The following PTPRD variants were observed in gnomAD, a reference collection of about 807,000 sequenced individuals.
The protein encoded by PTPRD is receptor-type tyrosine-protein phosphatase delta.
Under a neutral mutation model 214.5 loss-of-function variants are expected in PTPRD, and 34 were observed. The observed-to-expected ratio is 0.16, with a 90% confidence interval of 0.12 to 0.21. The LOEUF is 0.21. Among genes scored for constraint, PTPRD ranks in the 10% least tolerant of loss-of-function variants. PTPRD has a pLI of 1.00. For missense variants in PTPRD, 2,545 were observed against 2,398.7 expected, an observed-to-expected ratio of 1.06 and a Z score of -1.27; for synonymous variants, 1,128 against 845.7, an observed-to-expected ratio of 1.33 and a Z score of -5.79.
chr9:10,222,006 T>C (rs2099572905), intron 3 of PTPRD, among the ~76,000 whole-genome samples: 1 of 151,222 alleles, frequency 6.6e-6, no homozygotes, highest in African/African-American at 2.4e-5. Context: ...ATATCAGAAA[T>C]AGAAAACTGT....
intron 5 of PTPRD, among the ~76,000 whole-genome samples, chr9:9,870,765 T>C (rs1205633864): frequency 6.6e-6 from 1 of 151,968 alleles, no homozygotes; most frequent in East Asian, 1.9e-4. Flanking sequence ...GCCAAAAAAA[T>C]TTATACACAC....
At chr9:8,571,808 G>A (rs142550392) in intron 14 of PTPRD, among the ~76,000 whole-genome samples, 1 of 152,192 alleles carries the variant, frequency 6.6e-6, no homozygotes, top group African/African-American at 2.4e-5. Context: ...TCCTGGAGCT[G>A]CGGAAATTGC....
rs769652986 is a variant in PTPRD at position 8,517,866 on chromosome 9, C to A, written c.1525G>T (p.Val509Phe). ...GDGPLSSDIQ[V>F]ITQTGVPGQP... The stretch of plus-strand genomic sequence containing the variant: ...AACTTACCTCCTGTCTGAGTGATGA[C>A]TTGTATGTCACTTGAAAGGGGACCA... The change falls in exon 21 of 46, where the codon GTC becomes TTC. Residue 509 changes from valine (V) to phenylalanine (F), a missense_variant. Physicochemically the swap from Val to Phe is conservative, Grantham distance 50. Transcript: ENST00000381196. 1 of 1,613,546 alleles carries A rather than the reference C, an allele frequency of 6.2e-7. No homozygotes were observed. Among genetic ancestry groups the A allele is most frequent in the Non-Finnish European group, 8.5e-7 (1 of 1,179,688 alleles).
intron 11 of PTPRD, among the ~76,000 whole-genome samples, chr9:8,913,886 G>A (rs1389926567): frequency 6.6e-6 from 1 of 152,114 alleles, no homozygotes. Context: ...AGTATTACCT[G>A]TTCATTTATT....
chr9:8,527,443 T>A (rs1392756134), intron 15 of PTPRD, 90 bp from the exon 16 acceptor site: 1 of 1,139,952 alleles, frequency 8.8e-7, no homozygotes, highest in Admixed American at 1.9e-5. Flanking sequence ...GAGTTAAAGC[T>A]TTATATACTA....
chr9:9,022,552 C>T (rs2099573444), intron 10 of PTPRD, among the ~76,000 whole-genome samples: 1 of 152,096 alleles, frequency 6.6e-6, no homozygotes, highest in African/African-American at 2.4e-5. Flanking sequence ...TACCACATAC[C>T]ATAAGTTTGT....
At chr9:10,322,091 G>A (rs1377280579) in intron 3 of PTPRD, among the ~76,000 whole-genome samples, 2 of 151,964 alleles carry the variant, frequency 1.3e-5, no homozygotes, top group Middle Eastern at 3.4e-3. Context: ...TCCGCATGAG[G>A]GTTATTACAT....
At chr9:9,806,294 C>T (rs1015402665) in intron 5 of PTPRD, among the ~76,000 whole-genome samples, 1 of 151,994 alleles carries the variant, frequency 6.6e-6, no homozygotes, top group Admixed American at 6.6e-5. Flanking sequence ...GGCAGTCTCC[C>T]GATACATAGA....
intron 7 of PTPRD, among the ~76,000 whole-genome samples, chr9:9,727,492 A>G (rs948453613): frequency 6.6e-6 from 1 of 152,170 alleles, no homozygotes; most frequent in Non-Finnish European, 1.5e-5. Context: ...AAGCATTCAT[A>G]AATATTTTAT....
chr9:9,228,203 A>T (rs150070503), intron 9 of PTPRD, among the ~76,000 whole-genome samples: 100 of 152,236 alleles, frequency 6.6e-4, no homozygotes, highest in Non-Finnish European at 9.1e-4. Context: ...CTGTGCTTCA[A>T]TGAAGACATT....
intron 3 of PTPRD, among the ~76,000 whole-genome samples, chr9:10,277,264 C>G (rs2094765425): frequency 1.6e-5 from 2 of 123,724 alleles, no homozygotes; most frequent in Admixed American, 7.5e-5. Context: ...AAACAACAAA[C>G]CCTGAGTTGA....
chr9:9,630,614 GAGCT>G (rs2095560653), intron 7 of PTPRD, among the ~76,000 whole-genome samples: 1 of 152,166 alleles, frequency 6.6e-6, no homozygotes. Flanking sequence ...CCATTTAAAA[GAGCT>G]GATGAAAAAG....
At chr9:8,869,565 G>T (rs181867233) in intron 11 of PTPRD, among the ~76,000 whole-genome samples, 2 of 152,042 alleles carry the variant, frequency 1.3e-5, no homozygotes, top group East Asian at 1.9e-4. Context: ...TTGTTGGCAA[G>T]CTTCTCAGGT....
chr9:9,514,901 C>G (rs1239738907), intron 8 of PTPRD, among the ~76,000 whole-genome samples: 1 of 152,088 alleles, frequency 6.6e-6, no homozygotes, highest in African/African-American at 2.4e-5. Flanking sequence ...TGCTCTGTGT[C>G]ATACCTAAAC....
intron 3 of PTPRD, among the ~76,000 whole-genome samples, chr9:10,148,034 G>C (rs545099022): frequency 2.4e-4 from 36 of 152,276 alleles, no homozygotes; most frequent in Middle Eastern, 6.8e-3. Flanking sequence ...AAAGTCAAGA[G>C]AAATACGACT....
intron 2 of PTPRD, among the ~76,000 whole-genome samples, chr9:10,481,653 A>G (rs572291378): frequency 1.3e-3 from 191 of 152,328 alleles, no homozygotes; most frequent in African/African-American, 4.5e-3. Flanking sequence ...ACAGCCATGA[A>G]CTTATTGTAA....
rs117795823 is a variant in PTPRD at position 8,316,184 on chromosome 9, C to T, written c.*1690G>A. Reference sequence around the variant, plus strand: ...GGGCTGGTACAATCACTAACATCCCCGACTTGGCTGAAAACTAGGAATGCA... The same window carrying T: ...GGGCTGGTACAATCACTAACATCCCTGACTTGGCTGAAAACTAGGAATGCA... On this transcript the variant is annotated 3_prime_UTR_variant, in exon 46 of 46. Coordinates refer to ENST00000381196, the MANE Select transcript of PTPRD (RefSeq NM_002839.4). The T allele has an allele frequency of 3.5e-5, 8 of 229,172 alleles. No individual in the cohort carries two copies. Among genetic ancestry groups the T allele is most frequent in the African/African-American group, 1.1e-4 (5 of 45,144 alleles). The allele number at this position is 229,172 out of a possible 1,614,324, so 14.2% of individuals were successfully genotyped here.
chr9:9,390,119 G>C (rs1364517658), intron 9 of PTPRD, among the ~76,000 whole-genome samples: 1 of 152,154 alleles, frequency 6.6e-6, no homozygotes, highest in Non-Finnish European at 1.5e-5. Flanking sequence ...AGAGAGCAGA[G>C]GCCAAAGTCC....
chr9:10,436,381 C>A (rs558591685), intron 2 of PTPRD, among the ~76,000 whole-genome samples: 1 of 151,588 alleles, frequency 6.6e-6, no homozygotes, highest in Non-Finnish European at 1.5e-5. Flanking sequence ...ACTATAAATG[C>A]CTTTCACTCA....
Sources: allele counts gnomAD v4.1 joint callset (sites outside exome capture counted in the v4.1 genomes callset), GRCh38; gene constraint gnomAD v4.1.1; transcripts MANE v1.5; gene names NCBI Gene and HGNC (gene_info 2026-07-23, HGNC 2026-07-21).